Variants in LCLAT1 observed in about 807,000 individuals in gnomAD.
The protein encoded by LCLAT1 is lysocardiolipin acyltransferase 1.
Under a neutral mutation model 30.7 loss-of-function variants are expected in LCLAT1, and 11 were observed. The ratio of observed to expected loss-of-function variants is 0.36; its 90% confidence interval spans 0.23 to 0.59. LCLAT1 has a LOEUF of 0.59. Among genes scored for constraint, LCLAT1 ranks in the 20% least tolerant of loss-of-function variants. The pLI, the probability that LCLAT1 is intolerant of heterozygous loss-of-function variation, is 0.77. For missense variants in LCLAT1, 402 were observed against 458.6 expected (o/e 0.88, Z 1.13); for synonymous variants, 155 against 151.3 (o/e 1.02, Z -0.18).
rs1409450992 is a variant in LCLAT1, at chr2:30,467,490, G to A, written c.-5+20107G>A. On this transcript the variant is annotated intron_variant, in intron 1 of 5. Coordinates refer to ENST00000379509, the MANE Select transcript of LCLAT1 (RefSeq NM_001002257.3). ...GCTGGGTCAAATGGTATTTCTAGCTGTAGATCCTTGAGGAATCGCCACACT... is the reference window on the plus strand; with the variant it reads ...GCTGGGTCAAATGGTATTTCTAGCTATAGATCCTTGAGGAATCGCCACACT... Among the ~76,000 whole-genome samples, 3 of 148,718 alleles carry A rather than the reference G, an allele frequency of 2.0e-5. No individual in the cohort carries two copies. The East Asian group carries it at 5.9e-4, about 29-fold the overall frequency.
At chr2:30,545,557 A>G in intron 3 of LCLAT1, among the ~76,000 whole-genome samples, 1 of 152,300 alleles carries the variant, frequency 6.6e-6, no homozygotes, top group East Asian at 1.9e-4. Context: ...CATTAAAAGT[A>G]TTTAGATTTC....
chr2:30,519,992 C>T (rs1194465837), intron 1 of LCLAT1, among the ~76,000 whole-genome samples: 1 of 152,152 alleles, frequency 6.6e-6, no homozygotes, highest in African/African-American at 2.4e-5. Context: ...TTGCCGCTCC[C>T]GATCAGGTAG....
intron 4 of LCLAT1, among the ~76,000 whole-genome samples, chr2:30,563,426 T>C (rs988120013): frequency 6.6e-6 from 1 of 152,178 alleles, no homozygotes; most frequent in Non-Finnish European, 1.5e-5. Flanking sequence ...GGTGGGGGCA[T>C]AGCTTAGACA....
At chr2:30,538,887 T>TA (rs1298120362) in intron 3 of LCLAT1, among the ~76,000 whole-genome samples, 5 of 151,374 alleles carry the variant, frequency 3.3e-5, no homozygotes, top group South Asian at 2.1e-4. Context: ...ATCAATAATT[T>TA]AAAAAATCTC....
intron 5 of LCLAT1, among the ~76,000 whole-genome samples, chr2:30,593,922 C>CAAA (rs35889899): frequency 2.2e-5 from 3 of 134,796 alleles, no homozygotes; most frequent in Non-Finnish European, 3.2e-5. Flanking sequence ...GATCCTGTCT[C>CAAA]AAAAAAAAAA....
rs150628855 is a variant in LCLAT1 at position 30,499,089 on chromosome 2, G to A, written c.-4-26498G>A. On this transcript the variant is annotated intron_variant, in intron 1 of 5. Coordinates refer to ENST00000379509, the MANE Select transcript of LCLAT1 (RefSeq NM_001002257.3). ...AGGGTTTAGTTGGGCCACTGATTTC[G>A]GATGATATTCTTTAACACCTTTAAG... is the stretch of plus-strand genomic sequence containing the variant. Among the ~76,000 whole-genome samples, 52 of 152,280 alleles carry A rather than the reference G, an allele frequency of 3.4e-4. No individual in the cohort carries two copies. The East Asian group carries it at 8.1e-3, about 24-fold the overall frequency.
intron 1 of LCLAT1, among the ~76,000 whole-genome samples, chr2:30,473,575 G>A (rs1682901493): frequency 6.6e-6 from 1 of 152,148 alleles, no homozygotes; most frequent in Non-Finnish European, 1.5e-5. Flanking sequence ...GATTTCTTCA[G>A]TGACATAAAA....
At chr2:30,634,351 C>T (rs554874585) in intron 5 of LCLAT1, among the ~76,000 whole-genome samples, 12 of 152,294 alleles carry the variant, frequency 7.9e-5, no homozygotes, top group South Asian at 2.1e-4. Flanking sequence ...TCTGGCCATG[C>T]GCGGCGGCTC....
At chr2:30,526,936 A>G (rs1685748595) in intron 2 of LCLAT1, among the ~76,000 whole-genome samples, 1 of 152,190 alleles carries the variant, frequency 6.6e-6, no homozygotes, top group Non-Finnish European at 1.5e-5. Flanking sequence ...AGCTTTAAAG[A>G]TATGAAGCCC....
intron 1 of LCLAT1, among the ~76,000 whole-genome samples, chr2:30,499,390 C>T (rs1684258549): frequency 6.6e-6 from 1 of 152,174 alleles, no homozygotes; most frequent in African/African-American, 2.4e-5. Context: ...CCATGTTGGC[C>T]AGGCTTGTCT....
chr2:30,576,715 T>C (rs1016552149), intron 5 of LCLAT1, among the ~76,000 whole-genome samples: 4 of 152,132 alleles, frequency 2.6e-5, no homozygotes, highest in Admixed American at 2.0e-4. Context: ...AAGGTTTACC[T>C]TGTTTCTTCT....
chr2:30,608,942 T>C (rs4952161), intron 5 of LCLAT1, among the ~76,000 whole-genome samples: 19,340 of 152,040 alleles, frequency 0.13, 1,377 homozygotes, highest in South Asian at 0.23. Flanking sequence ...TGCACAAGGG[T>C]GCCTGTTTCC....
At chr2:30,636,126 A>G (rs1428780408) in intron 5 of LCLAT1, among the ~76,000 whole-genome samples, 2 of 152,308 alleles carry the variant, frequency 1.3e-5, no homozygotes, top group Admixed American at 6.5e-5. Context: ...TTTGAACTAG[A>G]CATTGAAGGG....
chr2:30,633,281 A>T, intron 5 of LCLAT1, among the ~76,000 whole-genome samples: 1 of 152,224 alleles, frequency 6.6e-6, no homozygotes, highest in East Asian at 1.9e-4. Context: ...ATGACAAGCT[A>T]CTTAACTCAA....
chr2:30,467,470 G>C (rs1178562664), intron 1 of LCLAT1, among the ~76,000 whole-genome samples: 3 of 152,324 alleles, frequency 2.0e-5, no homozygotes, highest in East Asian at 3.9e-4. Context: ...GGATGGCTGG[G>C]TCAAATGGTA....
At chr2:30,499,155 C>G (rs755165641) in intron 1 of LCLAT1, among the ~76,000 whole-genome samples, 2 of 152,022 alleles carry the variant, frequency 1.3e-5, no homozygotes, top group African/African-American at 2.4e-5. Flanking sequence ...GGGTTGGGCT[C>G]TGAAATAGAG....
In LCLAT1 at chr2:30,634,003, G is replaced by GTGC. The variant is rs1427186580; in HGVS notation, c.629-6112_629-6110dup. On this transcript the variant is annotated intron_variant, in intron 5 of 5. Coordinates refer to ENST00000379509, the MANE Select transcript of LCLAT1 (RefSeq NM_001002257.3). ...ATAATAGTCGTGGGCTCAGCTTGAT[G>GTGC]TGCTCAGAGACACTTCATGCTGGAT... Among the ~76,000 whole-genome samples, 7 of 152,310 alleles carry GTGC rather than the reference G, an allele frequency of 4.6e-5. No individual in the cohort carries two copies. The South Asian group carries it at 8.3e-4, about 18-fold the overall frequency.
chr2:30,609,692 G>A (rs975560829), intron 5 of LCLAT1, among the ~76,000 whole-genome samples: 1 of 152,116 alleles, frequency 6.6e-6, no homozygotes, highest in Non-Finnish European at 1.5e-5. Flanking sequence ...TCAGCCCACA[G>A]TGATCCTGTC....
intron 5 of LCLAT1, among the ~76,000 whole-genome samples, chr2:30,583,476 T>C (rs983094803): frequency 1.3e-5 from 2 of 152,202 alleles, no homozygotes; most frequent in Non-Finnish European, 2.9e-5. Context: ...TTCAGTATTT[T>C]AGTCCATCCA....
Sources: allele counts gnomAD v4.1 joint callset (sites outside exome capture counted in the v4.1 genomes callset), GRCh38; gene constraint gnomAD v4.1.1; transcripts MANE v1.5; gene names NCBI Gene and HGNC (gene_info 2026-07-23, HGNC 2026-07-21).